CADM1: variants seen among roughly 807,000 people sequenced by gnomAD.
The protein encoded by CADM1 is TSLC-1.
Under a neutral mutation model 53.1 loss-of-function variants are expected in CADM1, and 15 were observed. That is an observed-to-expected ratio of 0.28 (90% CI 0.19 to 0.44). The LOEUF (loss-of-function observed/expected upper bound fraction) is 0.44. CADM1 is among the 20% of genes least tolerant of loss of function. The pLI is 1.00. For synonymous variants in CADM1, 281 were observed against 243.0 expected (o/e 1.16, Z -1.45); for missense variants, 434 against 611.3 (o/e 0.71, Z 3.06).
At chr11:115,309,499 T>C (rs749436258) in intron 1 of CADM1, among the ~76,000 whole-genome samples, 4 of 152,178 alleles carry the variant, frequency 2.6e-5, no homozygotes, top group African/African-American at 4.8e-5. Context: ...AATTCAATCA[T>C]TCAAAGAAGT....
chr11:115,433,017 T>A (rs1298278126), intron 1 of CADM1, among the ~76,000 whole-genome samples: 1 of 152,150 alleles, frequency 6.6e-6, no homozygotes, highest in Non-Finnish European at 1.5e-5. Context: ...GTTACCAACA[T>A]CCAACTTGTC....
At chr11:115,376,918 C>A (rs534591176) in intron 1 of CADM1, among the ~76,000 whole-genome samples, 1 of 152,192 alleles carries the variant, frequency 6.6e-6, no homozygotes, top group Non-Finnish European at 1.5e-5. Context: ...TATATTTTGA[C>A]AACAGCATGT....
chr11:115,403,525 T>C (rs555399760), intron 1 of CADM1, among the ~76,000 whole-genome samples: 26 of 152,282 alleles, frequency 1.7e-4, no homozygotes, highest in African/African-American at 6.0e-4. Context: ...GAAACGTCTA[T>C]GGGAATTTTT....
chr11:115,492,851 T>A (rs1280864676), intron 1 of CADM1, among the ~76,000 whole-genome samples: 1 of 151,980 alleles, frequency 6.6e-6, no homozygotes, highest in Non-Finnish European at 1.5e-5. Context: ...ACTCACACAG[T>A]TGACCCTTGA....
At chr11:115,402,756 G>A (rs1339302460) in intron 1 of CADM1, among the ~76,000 whole-genome samples, 8 of 151,846 alleles carry the variant, frequency 5.3e-5, no homozygotes, top group Non-Finnish European at 7.4e-5. Context: ...TACATACTCC[G>A]TTTATGAGGC....
chr11:115,186,638 A>G (rs1393857060), intron 10 of CADM1, among the ~76,000 whole-genome samples: 2 of 152,172 alleles, frequency 1.3e-5, no homozygotes, highest in Non-Finnish European at 2.9e-5. Flanking sequence ...CCTCATTTAT[A>G]AATGGAGACC....
At position 115,240,383 on chromosome 11, in the gene CADM1, C is replaced by A. The variant is rs371542837; in HGVS notation, c.162G>T (p.Val54=). The A allele has an allele frequency of 3.2e-5, 51 of 1,613,618 alleles. No homozygotes were observed. Among genetic ancestry groups the A allele is most frequent in the Non-Finnish European group, 4.1e-5 (48 of 1,179,854 alleles). The stretch of plus-strand genomic sequence containing the variant: ...TGATGGTCGCAACCTCTCCCTCGAT[C>A]ACTGTCACGTCTTTCGTAAACAGAT... ...GQNLFTKDVT[V]IEGEVATISC... is the part of the protein sequence containing the mutation. Residue 54 remains valine, a synonymous_variant, in exon 2 of 12, where the codon GTG becomes GTT. Coordinates refer to ENST00000331581, the MANE Select transcript of CADM1 (RefSeq NM_001301043.2).
In CADM1 at chr11:115,289,786, G is replaced by A. The variant is rs543460485; in HGVS notation, c.125-49366C>T. On this transcript the variant is annotated intron_variant, in intron 1 of 11. Transcript: ENST00000331581. ...AATTTTTTGTATTTTTAGTAGAGAG[G>A]GGTTTTCACTGCATTAGCCAGGATG... 2.7e-3 allele frequency among the ~76,000 whole-genome samples: 411 copies of A among 151,786 alleles called. 4 individuals are homozygous for A. Among genetic ancestry groups the A allele is most frequent in the Non-Finnish European group, 4.5e-3 (307 of 67,890 alleles).
intron 1 of CADM1, among the ~76,000 whole-genome samples, chr11:115,383,120 C>A (rs889242998): frequency 3.3e-5 from 5 of 152,164 alleles, no homozygotes; most frequent in African/African-American, 1.2e-4. Context: ...TGTCTTCCTG[C>A]ATGATTCTTC....
chr11:115,233,953 T>C (rs1941920487), intron 3 of CADM1, among the ~76,000 whole-genome samples: 1 of 152,244 alleles, frequency 6.6e-6, no homozygotes, highest in African/African-American at 2.4e-5. Context: ...TTTATCTGTA[T>C]AACTTTGGGA....
intron 1 of CADM1, among the ~76,000 whole-genome samples, chr11:115,393,773 C>T (rs1337627239): frequency 6.6e-6 from 1 of 151,884 alleles, no homozygotes; most frequent in Non-Finnish European, 1.5e-5. Context: ...GAGGAACAAA[C>T]CTGAAAAAAA....
chr11:115,192,529 C>A (rs554869587), intron 9 of CADM1, among the ~76,000 whole-genome samples: 2 of 152,244 alleles, frequency 1.3e-5, no homozygotes, highest in Admixed American at 1.3e-4. Context: ...ATTTAAATAA[C>A]TGTTATAAAT....
At chr11:115,430,330 A>C (rs1029261188) in intron 1 of CADM1, among the ~76,000 whole-genome samples, 1 of 152,036 alleles carries the variant, frequency 6.6e-6, no homozygotes, top group Non-Finnish European at 1.5e-5. Flanking sequence ...GACAATCTTT[A>C]TTTATTTAAG....
chr11:115,254,932 G>T (rs1942733545), intron 1 of CADM1, among the ~76,000 whole-genome samples: 1 of 152,132 alleles, frequency 6.6e-6, no homozygotes, highest in Non-Finnish European at 1.5e-5. Context: ...TATTTTGAAA[G>T]ATACCTTCTA....
intron 1 of CADM1, among the ~76,000 whole-genome samples, chr11:115,357,714 C>T (rs1945914245): frequency 6.6e-6 from 1 of 152,172 alleles, no homozygotes; most frequent in African/African-American, 2.4e-5. Flanking sequence ...GGCAAGTGCT[C>T]AGTCAATAAT....
At chr11:115,206,297 C>T (rs1940673705) in intron 8 of CADM1, among the ~76,000 whole-genome samples, 1 of 152,170 alleles carries the variant, frequency 6.6e-6, no homozygotes, top group South Asian at 2.1e-4. Flanking sequence ...AAAAATTTCT[C>T]CCTAGATAAG....
At chr11:115,237,301 G>A (rs1283942896) in intron 3 of CADM1, among the ~76,000 whole-genome samples, 1 of 152,114 alleles carries the variant, frequency 6.6e-6, no homozygotes, top group Non-Finnish European at 1.5e-5. Flanking sequence ...ATACGTGAAA[G>A]CCATCTATCA....
intron 1 of CADM1, among the ~76,000 whole-genome samples, chr11:115,350,892 T>C (rs1237480963): frequency 6.6e-6 from 1 of 151,248 alleles, no homozygotes; most frequent in Non-Finnish European, 1.5e-5. Flanking sequence ...CTTAAGGCAA[T>C]TATTTCACTT....
intron 1 of CADM1, among the ~76,000 whole-genome samples, chr11:115,401,323 G>A (rs182911154): frequency 6.6e-6 from 1 of 152,152 alleles, no homozygotes; most frequent in Non-Finnish European, 1.5e-5. Context: ...AAAGATCAGG[G>A]GTTGGCCAGG....
Sources: gnomAD v4.1 joint callset for allele counts (sites outside exome capture counted in the v4.1 genomes callset) on GRCh38, gnomAD v4.1.1 for gene constraint, MANE v1.5 for transcripts, NCBI Gene and HGNC (gene_info 2026-07-23, HGNC 2026-07-21) for gene names.